PSMD9: variants seen among roughly 807,000 people sequenced by gnomAD.
PSMD9 encodes the protein 26S proteasome non-ATPase regulatory subunit 9.
A neutral mutation model predicts 25.9 loss-of-function variants in PSMD9; 26 were observed. That is an observed-to-expected ratio of 1.00 (90% CI 0.73 to 1.39). The LOEUF (loss-of-function observed/expected upper bound fraction) is 1.39, where lower values mean the gene tolerates loss of function less well. Among genes scored for constraint, PSMD9 ranks in the 40% most tolerant of loss-of-function variants. The probability of loss-of-function intolerance (pLI) is 0.00; values close to 1 mark genes in which losing one functional copy is unlikely to be tolerated. For missense variants in PSMD9, 303 were observed against 299.3 expected, an observed-to-expected ratio of 1.01 and a Z score of -0.09; for synonymous variants, 110 against 114.5, an observed-to-expected ratio of 0.96 and a Z score of 0.25.
intron 4 of PSMD9, among the ~76,000 whole-genome samples, chr12:121,903,941 TG>T (rs989248000): frequency 6.6e-5 from 10 of 152,074 alleles, no homozygotes; most frequent in Non-Finnish European, 8.8e-5. Context: ...GGAGTGATAC[TG>T]TGGCAAAGCC....
At chr12:121,910,091 T>TTC (rs1565895153) in intron 4 of PSMD9, among the ~76,000 whole-genome samples, 1 of 141,664 alleles carries the variant, frequency 7.1e-6, no homozygotes. Context: ...GACTTTTTTT[T>TTC]TTTTTTTTTT....
intron 4 of PSMD9, among the ~76,000 whole-genome samples, chr12:121,908,745 A>T (rs926609130): frequency 1.3e-5 from 2 of 152,120 alleles, no homozygotes; most frequent in African/African-American, 4.8e-5. Context: ...TTGGGATTGA[A>T]GGAGTGTTCC....
chr12:121,907,140 G>A lies in PSMD9; in HGVS notation c.555+4033G>A, dbSNP rs145601365. On this transcript the variant is annotated intron_variant, in intron 4 of 5. Coordinates refer to ENST00000541212, the MANE Select transcript of PSMD9 (RefSeq NM_002813.7). ...GCTGGAGTGCAATGGCATGATCTCAGCTCACTGCAACCTCCGCCTCACAGA... is the reference window on the plus strand; with the variant it reads ...GCTGGAGTGCAATGGCATGATCTCAACTCACTGCAACCTCCGCCTCACAGA... 3.6e-3 allele frequency among the ~76,000 whole-genome samples: 545 copies of A among 151,888 alleles called. 3 individuals carry two copies. The highest frequency in any genetic ancestry group is 0.012 in the African/African-American group (512 of 41,482).
chr12:121,913,813 C>A (rs894044632), intron 4 of PSMD9, among the ~76,000 whole-genome samples: 8 of 151,990 alleles, frequency 5.3e-5, no homozygotes, highest in Non-Finnish European at 1.2e-4. Flanking sequence ...TGTATTTTCT[C>A]CTATCATGTG....
chr12:121,914,897 T>C (rs1452193765), intron 4 of PSMD9: 1 of 152,088 alleles, frequency 6.6e-6, no homozygotes, highest in Non-Finnish European at 1.5e-5. Flanking sequence ...AAATTAATGA[T>C]ATGGAAATAT....
At chr12:121,899,957 C>A in intron 3 of PSMD9, 112 bp downstream of exon 3, 1 of 1,226,420 alleles carries the variant, frequency 8.2e-7, no homozygotes, top group Non-Finnish European at 1.2e-6. Flanking sequence ...GTGCTGAGTT[C>A]AGTTACTCAT....
intron 2 of PSMD9, among the ~76,000 whole-genome samples, chr12:121,896,914 C>T (rs545814687): frequency 1.3e-5 from 2 of 151,792 alleles, no homozygotes; most frequent in South Asian, 2.1e-4. Flanking sequence ...TGTAATCTCC[C>T]GTGTTGTTAA....
At chr12:121,899,588 T>C (rs1049470961) in intron 2 of PSMD9, 46 bp from the exon 3 acceptor site, 2 of 1,513,112 alleles carry the variant, frequency 1.3e-6, no homozygotes, top group Non-Finnish European at 9.0e-7. Context: ...GAGTCTTGTG[T>C]CCTCCACTGT....
chr12:121,894,922 A>G, intron 2 of PSMD9, 81 bp downstream of exon 2: 1 of 1,184,944 alleles, frequency 8.4e-7, no homozygotes. Flanking sequence ...AACTATCTGT[A>G]TTATCTACTG....
chr12:121,901,665 T>TTTTATGGCCAAATAATATTC, intron 3 of PSMD9, among the ~76,000 whole-genome samples: 1 of 109,024 alleles, frequency 9.2e-6, no homozygotes, highest in Non-Finnish European at 1.9e-5. Context: ...CTTCATTCCT[T>TTTTATGGCCAAATAATATTC]CTTTTTTTTT....
intron 1 of PSMD9, among the ~76,000 whole-genome samples, chr12:121,889,512 C>T (rs944860534): frequency 1.3e-5 from 2 of 152,124 alleles, no homozygotes; most frequent in African/African-American, 4.8e-5. Context: ...GCTACTGCAC[C>T]CGGCATTTGC....
At chr12:121,902,402 A>G (rs1344849503) in intron 3 of PSMD9, 1 of 153,126 alleles carries the variant, frequency 6.5e-6, no homozygotes, top group Non-Finnish European at 1.5e-5. Context: ...TTTAATGGTC[A>G]CAAGTCTGTA....
chr12:121,902,916 C>T, intron 3 of PSMD9, 90 bp from the exon 4 acceptor site: 1 of 1,040,280 alleles, frequency 9.6e-7, no homozygotes, highest in Non-Finnish European at 1.5e-6. Flanking sequence ...AGCTCGTGAC[C>T]TTGGCATTAA....
chr12:121,913,225 TGA>T (rs1879789157), intron 4 of PSMD9, among the ~76,000 whole-genome samples: 1 of 151,914 alleles, frequency 6.6e-6, no homozygotes, highest in African/African-American at 2.4e-5. Flanking sequence ...ATTACAGGCG[TGA>T]GCCACCGCGC....
Position 121,903,172 on chromosome 12 carries a change from T to G in PSMD9, c.555+65T>G. ...TTCTAACAGTATGCCATAGACTGCG[T>G]GGCTTACAAACAACAGAAGTTCATT... On this transcript the variant is annotated intron_variant, in intron 4 of 5. Coordinates refer to ENST00000541212, the MANE Select transcript of PSMD9 (RefSeq NM_002813.7). 3 of 1,375,534 alleles carry G rather than the reference T, an allele frequency of 2.2e-6. No individual in the cohort carries two copies. The South Asian group carries it at 3.5e-5, about 16-fold the overall frequency. 85.2% of individuals were successfully genotyped at this position (1,375,534 alleles called of 1,614,324 possible). A position where few individuals can be genotyped will look rare whatever the true frequency, so the allele number is the denominator to read the frequency against.
At chr12:121,896,619 C>G (rs1327126863) in intron 2 of PSMD9, among the ~76,000 whole-genome samples, 1 of 151,898 alleles carries the variant, frequency 6.6e-6, no homozygotes, top group Non-Finnish European at 1.5e-5. Flanking sequence ...GGCAGATCAC[C>G]TGAGGTCGGG....
At position 121,888,983 on chromosome 12, in the gene PSMD9, G is replaced by T; in HGVS notation, c.127G>T (p.Val43Leu). Residue 43 changes from valine (V) to leucine (L), a missense_variant, in exon 1 of 6, where the codon GTG (valine) becomes TTG (leucine). Coordinates refer to ENST00000541212, the MANE Select transcript of PSMD9 (RefSeq NM_002813.7). ...IEAQIKANYDVLESQKGIGMN... is the reference protein window; with the variant it reads ...IEAQIKANYDLLESQKGIGMN... The stretch of plus-strand genomic sequence containing the variant: ...AGCGCAGATCAAGGCCAACTATGAC[G>T]TGCTGGAAAGCGTGAGTGTGGGTTC... 6.3e-7 allele frequency: 1 copy of T among 1,586,460 alleles called. No individual in the cohort carries two copies. Among genetic ancestry groups the T allele is most frequent in the Non-Finnish European group, 8.6e-7 (1 of 1,166,786 alleles).
Position 121,916,565 on chromosome 12 carries a change from G to C in PSMD9, c.*254G>C, listed in dbSNP as rs559198088. The C allele has an allele frequency of 1.4e-4, 75 of 548,550 alleles. No individual in the cohort carries two copies. The highest frequency in any genetic ancestry group is 2.2e-4 in the Non-Finnish European group (68 of 307,070). The allele number at this position is 548,550 out of a possible 1,614,324, so 34.0% of individuals were successfully genotyped here. On this transcript the variant is annotated 3_prime_UTR_variant, in exon 6 of 6. Transcript: ENST00000541212. ...TAGGAATTCCCTGGATTGTGGGCAA[G>C]TGGGCGGAAGTTATTCTGGCAGGTA... is the stretch of plus-strand genomic sequence containing the variant.
intron 4 of PSMD9, among the ~76,000 whole-genome samples, chr12:121,905,312 CT>C (rs765466611): frequency 0.011 from 1,682 of 151,224 alleles, 12 homozygotes; most frequent in South Asian, 0.017. Flanking sequence ...CAAGCTCTGC[CT>C]CCCAGGTTCA....
Sources: allele counts gnomAD v4.1 joint callset (sites outside exome capture counted in the v4.1 genomes callset), GRCh38; gene constraint gnomAD v4.1.1; transcripts MANE v1.5; gene names NCBI Gene and HGNC (gene_info 2026-07-23, HGNC 2026-07-21).